The following TBX15 variants were observed in gnomAD, a reference collection of about 807,000 sequenced individuals.
TBX15 encodes T-box transcription factor TBX15.
A neutral mutation model predicts 53.9 loss-of-function variants in TBX15; 18 were observed. That is an observed-to-expected ratio of 0.33 (90% CI 0.23 to 0.49). The LOEUF (loss-of-function observed/expected upper bound fraction) is 0.49. TBX15 is among the 20% of genes least tolerant of loss of function. The probability of loss-of-function intolerance (pLI) is 0.98; values close to 1 mark genes in which losing one functional copy is unlikely to be tolerated. For missense variants in TBX15, 692 were observed against 749.5 expected (o/e 0.92, Z 0.90); for synonymous variants, 295 against 278.0 (o/e 1.06, Z -0.61).
At chr1:118,976,062 G>A (rs1004424317) in intron 1 of TBX15, among the ~76,000 whole-genome samples, 3 of 152,138 alleles carry the variant, frequency 2.0e-5, no homozygotes, top group African/African-American at 7.2e-5. Flanking sequence ...ACAAAGTCTA[G>A]GGTGAAACAA....
chr1:118,922,080 A>G (rs1416898895), intron 5 of TBX15, among the ~76,000 whole-genome samples: 1 of 152,216 alleles, frequency 6.6e-6, no homozygotes, highest in Non-Finnish European at 1.5e-5. Flanking sequence ...ATATTAAATC[A>G]TATCTGCGCA....
chr1:118,932,043 G>C (rs959943723), intron 1 of TBX15, among the ~76,000 whole-genome samples: 8 of 152,138 alleles, frequency 5.3e-5, no homozygotes, highest in African/African-American at 1.7e-4. Flanking sequence ...TTCAGGTTTC[G>C]TGTTTCCAAC....
At chr1:118,960,351 G>A (rs1361726630) in intron 1 of TBX15, among the ~76,000 whole-genome samples, 1 of 152,194 alleles carries the variant, frequency 6.6e-6, no homozygotes, top group East Asian at 1.9e-4. Context: ...CATTTTTGCA[G>A]CTGAATGGAA....
intron 7 of TBX15, among the ~76,000 whole-genome samples, chr1:118,895,772 T>C (rs185118453): frequency 3.7e-4 from 56 of 152,284 alleles, no homozygotes; most frequent in African/African-American, 1.1e-3. Flanking sequence ...ATTGACCTAT[T>C]GAGAGTTAAT....
At chr1:118,948,666 A>G (rs1456125616) in intron 1 of TBX15, among the ~76,000 whole-genome samples, 1 of 152,160 alleles carries the variant, frequency 6.6e-6, no homozygotes, top group African/African-American at 2.4e-5. Flanking sequence ...CTGTTTTTCA[A>G]CTTCACAAAG....
upstream of TBX15, among the ~76,000 whole-genome samples, chr1:118,989,133 T>C (rs192357963): frequency 6.6e-6 from 1 of 152,282 alleles, no homozygotes; most frequent in East Asian, 1.9e-4. Context: ...AGAGAACCTA[T>C]GGAGAGGTGA....
intron 1 of TBX15, among the ~76,000 whole-genome samples, chr1:118,986,628 C>G (rs1657846130): frequency 6.6e-6 from 1 of 152,242 alleles, no homozygotes; most frequent in Admixed American, 6.5e-5. Flanking sequence ...GCTGCCCCCT[C>G]CCCGGGCTTG....
intron 1 of TBX15, among the ~76,000 whole-genome samples, 163 bp from the exon 2 acceptor site, chr1:118,931,995 T>A (rs771071971): frequency 2.0e-5 from 3 of 152,172 alleles, no homozygotes; most frequent in Non-Finnish European, 4.4e-5. Context: ...GGTATTTTAT[T>A]ATTTTTTATG....
At chr1:118,971,714 A>G (rs1024393863) in intron 1 of TBX15, among the ~76,000 whole-genome samples, 2 of 152,382 alleles carry the variant, frequency 1.3e-5, no homozygotes, top group East Asian at 1.9e-4. Flanking sequence ...GAGTGTGCAT[A>G]TATGTTTACA....
intron 1 of TBX15, among the ~76,000 whole-genome samples, chr1:118,965,671 C>T (rs1294022864): frequency 6.6e-6 from 1 of 152,108 alleles, no homozygotes; most frequent in African/African-American, 2.4e-5. Context: ...AACCTGAAGG[C>T]TCGTCAAAAT....
At chr1:118,919,574 A>G (rs1471569963) in intron 5 of TBX15, among the ~76,000 whole-genome samples, 2 of 152,226 alleles carry the variant, frequency 1.3e-5, no homozygotes, top group African/African-American at 4.8e-5. Flanking sequence ...CTTTACTACT[A>G]CTTACACCCA....
upstream of TBX15, chr1:118,989,282 A>G (rs1183776329): frequency 6.6e-6 from 1 of 152,138 alleles, no homozygotes; most frequent in East Asian, 1.9e-4. Context: ...TGCGATCTCT[A>G]AGGACTGCAT....
intron 1 of TBX15, among the ~76,000 whole-genome samples, chr1:118,971,666 T>A (rs1657239886): frequency 6.6e-6 from 1 of 152,216 alleles, no homozygotes; most frequent in African/African-American, 2.4e-5. Flanking sequence ...CTACGACCAA[T>A]TCTAAAATGT....
intron 1 of TBX15, among the ~76,000 whole-genome samples, chr1:118,964,098 A>G (rs1656964592): frequency 1.3e-5 from 2 of 152,266 alleles, no homozygotes; most frequent in Admixed American, 1.3e-4. Flanking sequence ...CCACAGAATC[A>G]GGAGCAAATG....
intron 1 of TBX15, among the ~76,000 whole-genome samples, chr1:118,953,208 C>T: frequency 6.6e-6 from 1 of 152,196 alleles, no homozygotes; most frequent in East Asian, 1.9e-4. Flanking sequence ...CTGAACCTAA[C>T]CCTCATAAAT....
In TBX15 at chr1:118,939,407, CAAAAAAAAAAA is replaced by C. The variant is rs869094141; in HGVS notation, c.206-7586_206-7576del. On this transcript the variant is annotated intron_variant, in intron 1 of 7. Transcript: ENST00000369429. ...AGGGCAACAGAATGAGATCTAGTCT[CAAAAAAAAAAA>C]AAAAAAAAAAAAAAAAAACAAAAAC... is the stretch of plus-strand genomic sequence containing the variant. Among the ~76,000 whole-genome samples, 17 of 8,882 alleles carry C rather than the reference CAAAAAAAAAAA, an allele frequency of 1.9e-3. No individual in the cohort carries two copies. In the South Asian group the frequency reaches 0.019, roughly 10 times the overall value. 5.8% of individuals were successfully genotyped at this position (8,882 alleles called of 152,430 possible). A position where few individuals can be genotyped will look rare whatever the true frequency, so the allele number is the denominator to read the frequency against.
chr1:118,949,872 G>T (rs1206981706), intron 1 of TBX15, among the ~76,000 whole-genome samples: 1 of 152,088 alleles, frequency 6.6e-6, no homozygotes, highest in Non-Finnish European at 1.5e-5. Context: ...ATCTCTCAGT[G>T]AGTTTCACAA....
In TBX15 at chr1:118,939,407, C is replaced by CAAAAAAAAAAAAAAAAAAAAAAAAAA. The variant is rs869094141; in HGVS notation, c.206-7601_206-7576dup. 6.8e-4 allele frequency among the ~76,000 whole-genome samples: 6 copies of CAAAAAAAAAAAAAAAAAAAAAAAAAA among 8,866 alleles called. 1 individual carries two copies. Among genetic ancestry groups the CAAAAAAAAAAAAAAAAAAAAAAAAAA allele is most frequent in the South Asian group, 6.3e-3 (1 of 160 alleles). 5.8% of individuals were successfully genotyped at this position (8,866 alleles called of 152,430 possible). A position where few individuals can be genotyped will look rare whatever the true frequency, so the allele number is the denominator to read the frequency against. The stretch of plus-strand genomic sequence containing the variant: ...AGGGCAACAGAATGAGATCTAGTCT[C>CAAAAAAAAAAAAAAAAAAAAAAAAAA]AAAAAAAAAAAAAAAAAAAAAAAAA... On this transcript the variant is annotated intron_variant, in intron 1 of 7. Coordinates refer to ENST00000369429, the MANE Select transcript of TBX15 (RefSeq NM_001330677.2).
intron 1 of TBX15, among the ~76,000 whole-genome samples, chr1:118,948,159 C>T (rs1466478311): frequency 2.0e-5 from 3 of 152,026 alleles, no homozygotes; most frequent in South Asian, 4.2e-4. Flanking sequence ...TGCTAAGTGC[C>T]TTTTCCTATA....
Sources: allele counts gnomAD v4.1 joint callset (sites outside exome capture counted in the v4.1 genomes callset), GRCh38; gene constraint gnomAD v4.1.1; transcripts MANE v1.5; gene names NCBI Gene and HGNC (gene_info 2026-07-23, HGNC 2026-07-21).